ECHDC1: variants seen among roughly 807,000 people sequenced by gnomAD.
ECHDC1 encodes the protein ethylmalonyl-CoA decarboxylase.
Under a neutral mutation model 29.7 loss-of-function variants are expected in ECHDC1, and 29 were observed. The ratio of observed to expected loss-of-function variants is 0.98; its 90% CI spans 0.73 to 1.33. ECHDC1 has a LOEUF of 1.33. ECHDC1 is among the 40% of genes most tolerant of loss of function. ECHDC1 has a pLI of 0.00. For synonymous variants in ECHDC1, 126 were observed against 123.1 expected, an observed-to-expected ratio of 1.02 and a Z score of -0.15; for missense variants, 328 against 350.0, an observed-to-expected ratio of 0.94 and a Z score of 0.50.
intron 1 of ECHDC1, among the ~76,000 whole-genome samples, chr6:127,337,298 T>G (rs1784511356): frequency 1.3e-5 from 2 of 152,268 alleles, no homozygotes; most frequent in South Asian, 4.1e-4. Flanking sequence ...AGCACCCTTC[T>G]AGGTCTGATA....
intron 5 of ECHDC1, among the ~76,000 whole-genome samples, chr6:127,306,847 A>G (rs1331559514): frequency 6.6e-6 from 1 of 152,242 alleles, no homozygotes; most frequent in Non-Finnish European, 1.5e-5. Context: ...TATTCATGCA[A>G]TATTTCCTCC....
chr6:127,303,632 G>A (rs914776236), intron 5 of ECHDC1, among the ~76,000 whole-genome samples: 3 of 152,214 alleles, frequency 2.0e-5, no homozygotes, highest in Non-Finnish European at 4.4e-5. Context: ...ATATAAAGGT[G>A]CAAACTGAAG....
chr6:127,331,735 G>T, intron 1 of ECHDC1: 1 of 709,978 alleles, frequency 1.4e-6, no homozygotes, highest in Non-Finnish European at 1.7e-6. Flanking sequence ...AATAAATATA[G>T]TCCAAGTGTC....
Position 127,327,077 on chromosome 6 carries a change from G to A in ECHDC1, c.288C>T (p.Leu96=), listed in dbSNP as rs1783413451. ...AAGTATTTTTTGCCCCACGGACAAT[G>A]AGGCCTTTCCCCTCTGTCCAATTTT... is the stretch of plus-strand genomic sequence containing the variant. The part of the protein sequence containing the change: ...ELENWTEGKG[L]IVRGAKNTFS... The change falls in exon 3 of 6, where the codon CTC becomes CTT. Residue 96 remains leucine, a synonymous_variant. Coordinates refer to ENST00000454859, the MANE Select transcript of ECHDC1 (RefSeq NM_001002030.2). 6.2e-7 allele frequency: 1 copy of A among 1,614,064 alleles called. No individual in the cohort carries two copies. Among genetic ancestry groups the A allele is most frequent in the Non-Finnish European group, 8.5e-7 (1 of 1,179,978 alleles).
intron 1 of ECHDC1, 122 bp from the exon 2 acceptor site, chr6:127,331,152 T>C (rs1394285522): frequency 1.5e-4 from 3 of 20,460 alleles, no homozygotes; most frequent in African/African-American, 1.6e-4. Context: ...TCCCCATTTC[T>C]TTTTTTTTTT....
intron 5 of ECHDC1, among the ~76,000 whole-genome samples, chr6:127,314,135 T>C (rs962521473): frequency 6.6e-6 from 1 of 152,164 alleles, no homozygotes; most frequent in African/African-American, 2.4e-5. Flanking sequence ...CCTGTACAGA[T>C]AACTCACAGA....
At chr6:127,323,950 A>G (rs1276977276) in intron 3 of ECHDC1, among the ~76,000 whole-genome samples, 1 of 152,160 alleles carries the variant, frequency 6.6e-6, no homozygotes, top group Non-Finnish European at 1.5e-5. Flanking sequence ...TAAATTTGTT[A>G]CTACTTCTTG....
chr6:127,322,126 T>G (rs1389023155), intron 3 of ECHDC1, among the ~76,000 whole-genome samples: 2 of 151,966 alleles, frequency 1.3e-5, no homozygotes, highest in Non-Finnish European at 2.9e-5. Context: ...ACCAACATGG[T>G]GAAACCCTGT....
intron 5 of ECHDC1, among the ~76,000 whole-genome samples, chr6:127,296,738 G>A (rs966370342): frequency 4.6e-5 from 7 of 152,048 alleles, no homozygotes; most frequent in Non-Finnish European, 8.8e-5. Context: ...TGGGCTGTGC[G>A]CAGTGGCTCA....
chr6:127,298,303 G>C (rs1461015928), intron 5 of ECHDC1, among the ~76,000 whole-genome samples: 5 of 146,914 alleles, frequency 3.4e-5, no homozygotes, highest in African/African-American at 9.9e-5. Flanking sequence ...TTAAATATTA[G>C]ACATATAAAA....
intron 3 of ECHDC1, among the ~76,000 whole-genome samples, chr6:127,320,900 G>GA (rs1308093875): frequency 1.3e-5 from 2 of 149,238 alleles, no homozygotes; most frequent in East Asian, 2.0e-4. Context: ...ACACTTAAAA[G>GA]AAAAAAAAAG....
chr6:127,297,360 G>C (rs942030355), intron 5 of ECHDC1, among the ~76,000 whole-genome samples: 1 of 152,112 alleles, frequency 6.6e-6, no homozygotes, highest in Admixed American at 6.6e-5. Flanking sequence ...CTGGAAACAA[G>C]GGAAAAAATT....
chr6:127,311,008 A>G (rs566903143), intron 5 of ECHDC1, among the ~76,000 whole-genome samples: 1 of 152,274 alleles, frequency 6.6e-6, no homozygotes, highest in South Asian at 2.1e-4. Flanking sequence ...GTTTTTTCAA[A>G]CATAATGCTA....
intron 2 of ECHDC1, among the ~76,000 whole-genome samples, chr6:127,329,301 C>T (rs1275389538): frequency 1.3e-5 from 2 of 152,102 alleles, no homozygotes; most frequent in African/African-American, 4.8e-5. Context: ...TTCATCCTCT[C>T]CCAATCCAAC....
At chr6:127,320,681 A>G (rs1039708229) in intron 3 of ECHDC1, among the ~76,000 whole-genome samples, 5 of 152,178 alleles carry the variant, frequency 3.3e-5, no homozygotes, top group African/African-American at 9.6e-5. Flanking sequence ...CCAAGTCTTA[A>G]TATTTAAATA....
chr6:127,331,010 T>A lies in ECHDC1; in HGVS notation c.19A>T (p.Lys7Ter), dbSNP rs551187863. ...GTCCTTCCAGACAGAGAGGCTGTCTTCAAAAGACTTTTCGCCATTTCTGGA... is the reference window on the plus strand; with the variant it reads ...GTCCTTCCAGACAGAGAGGCTGTCTACAAAAGACTTTTCGCCATTTCTGGA... MAKSLL[K>*]TASLSGRTKL... The change falls in exon 2 of 6, where the codon AAG becomes TAG. Residue 7 changes from lysine to a stop codon, truncating the protein, a stop_gained. Transcript: ENST00000454859. LOFTEE classifies it high-confidence loss of function. 1 of 1,613,366 alleles carries A rather than the reference T, an allele frequency of 6.2e-7. No individual in the cohort carries two copies. The highest frequency in any genetic ancestry group is 8.5e-7 in the Non-Finnish European group (1 of 1,180,006).
chr6:127,332,251 T>G (rs561077447), intron 1 of ECHDC1, among the ~76,000 whole-genome samples: 1 of 152,352 alleles, frequency 6.6e-6, no homozygotes, highest in East Asian at 1.9e-4. Flanking sequence ...ATTGTGTGTC[T>G]GGTTTCAATT....
chr6:127,311,759 A>C (rs183850490), intron 5 of ECHDC1, among the ~76,000 whole-genome samples: 1 of 148,242 alleles, frequency 6.7e-6, no homozygotes, highest in East Asian at 1.9e-4. Context: ...ATATCAGAAA[A>C]AAAACAGATC....
chr6:127,322,644 G>GTA (rs1782929074), intron 3 of ECHDC1, among the ~76,000 whole-genome samples: 1 of 106,914 alleles, frequency 9.4e-6, no homozygotes, highest in Non-Finnish European at 2.5e-5. Context: ...ATATATATGT[G>GTA]TGTATATATA....
Sources: gnomAD v4.1 joint callset for allele counts (sites outside exome capture counted in the v4.1 genomes callset) on GRCh38, gnomAD v4.1.1 for gene constraint, MANE v1.5 for transcripts, NCBI Gene and HGNC (gene_info 2026-07-23, HGNC 2026-07-21) for gene names.